Variants in DMD observed in about 807,000 individuals in gnomAD.
DMD encodes mutant dystrophin.
DMD carries 63 observed loss-of-function variants against 330.1 expected under a neutral mutation model. The observed-to-expected ratio is 0.19, with a 90% confidence interval of 0.16 to 0.24. DMD has a LOEUF of 0.24. DMD is among the 10% of genes least tolerant of loss of function. DMD has a pLI of 1.00. For missense variants in DMD, 3,344 were observed against 2,684.1 expected (o/e 1.25, Z -5.43); for synonymous variants, 1,223 against 959.8 (o/e 1.27, Z -5.07).
chrX:31,901,324 C>T (rs890912854), intron 47 of DMD, among the ~76,000 whole-genome samples: 6 of 111,571 alleles, frequency 5.4e-5, no homozygotes, highest in African/African-American at 2.0e-4. Context: ...AGGAGGAATC[C>T]TACCATAATA....
chrX:31,293,502 C>T (rs762144116), intron 62 of DMD, among the ~76,000 whole-genome samples: 1 of 110,628 alleles, frequency 9.0e-6, no homozygotes, highest in African/African-American at 3.3e-5. Flanking sequence ...GTTTAGACAG[C>T]GTTAGGGAAA....
intron 9 of DMD, among the ~76,000 whole-genome samples, chrX:32,676,243 G>C (rs998050465): frequency 4.5e-5 from 5 of 111,172 alleles, no homozygotes; most frequent in Non-Finnish European, 9.5e-5. Context: ...TGAAGCAATA[G>C]AGCCCTTTCA....
chrX:32,568,781 A>C (rs2052055438), intron 15 of DMD, among the ~76,000 whole-genome samples: 1 of 110,941 alleles, frequency 9.0e-6, no homozygotes, highest in African/African-American at 3.3e-5. Context: ...TAACTGAGGG[A>C]GGAAAAGAAA....
At chrX:31,130,734 T>G (rs2034372701) in intron 77 of DMD, among the ~76,000 whole-genome samples, 2 of 111,812 alleles carry the variant, frequency 1.8e-5, no homozygotes, top group Admixed American at 9.5e-5. Context: ...AATAAGGCAC[T>G]TGACTTTTCT....
chrX:33,135,876 C>T (rs2095523742), intron 1 of DMD, among the ~76,000 whole-genome samples: 2 of 112,215 alleles, frequency 1.8e-5, no homozygotes, highest in Non-Finnish European at 3.8e-5. Flanking sequence ...TAAATATTAG[C>T]TATCATTATA....
At chrX:32,489,230 T>C (rs73451794) in intron 20 of DMD, among the ~76,000 whole-genome samples, 1 of 110,714 alleles carries the variant, frequency 9.0e-6, no homozygotes, top group East Asian at 2.9e-4. Flanking sequence ...ATGGGCTGAA[T>C]TGTGTCTTCC....
chrX:32,842,096 G>C (rs895663365), intron 4 of DMD, among the ~76,000 whole-genome samples: 6 of 111,952 alleles, frequency 5.4e-5, no homozygotes, highest in Non-Finnish European at 9.4e-5. Flanking sequence ...GATTTTTCTG[G>C]TTCCCTTGGA....
Position 31,507,322 on chromosome X carries a change from G to T in DMD, c.8349C>A (p.Asn2783Lys). The part of the protein sequence containing the change: ...VLLQRRLDNM[N>K]FKWSELRKKS... ...TTTTCCGAAGTTCACTCCACTTGAA[G>T]TTCATGTTATCCAAACGTCTTTGTA... Residue 2783 changes from asparagine (N) to lysine (K), a missense_variant, in exon 56 of 79, where the codon AAC (asparagine) becomes AAA (lysine). Coordinates refer to ENST00000357033, the MANE Select transcript of DMD (RefSeq NM_004006.3). 1 of 1,211,567 alleles carries T rather than the reference G, an allele frequency of 8.3e-7. No homozygotes were observed. Among genetic ancestry groups the T allele is most frequent in the East Asian group, 3.0e-5 (1 of 33,815 alleles).
intron 7 of DMD, among the ~76,000 whole-genome samples, chrX:32,773,943 G>A (rs1311573966): frequency 9.0e-6 from 1 of 111,233 alleles, no homozygotes; most frequent in African/African-American, 3.3e-5. Context: ...TGCAATGTGT[G>A]ATATCTGATA....
intron 44 of DMD, among the ~76,000 whole-genome samples, chrX:32,139,819 C>T (rs1427849831): frequency 3.6e-5 from 4 of 112,157 alleles, no homozygotes; most frequent in African/African-American, 1.3e-4. Context: ...ATTCTTAAAA[C>T]TTTATAGAAA....
At chrX:32,107,338 A>G (rs1008971293) in intron 44 of DMD, among the ~76,000 whole-genome samples, 7 of 89,136 alleles carry the variant, frequency 7.9e-5, no homozygotes, top group African/African-American at 1.7e-4. Context: ...ATATAATTAT[A>G]TGTGTGTGTG....
chrX:31,173,599 G>A lies in DMD; in HGVS notation c.10268C>T (p.Ala3423Val), dbSNP rs1312602763. 1 of 1,207,773 alleles carries A rather than the reference G, an allele frequency of 8.3e-7. No homozygotes were observed. The highest frequency in any genetic ancestry group is 3.0e-5 in the East Asian group (1 of 33,754). ...INFWPVDSAPASSPQLSHDDT... is the reference protein window; with the variant it reads ...INFWPVDSAPVSSPQLSHDDT... ...ATCGTGTGAAAGCTGAGGGGACGAG[G>A]CAGGCCTATAAGGCAGAAAATGTGA... Residue 3423 changes from alanine to valine, a missense_variant, in exon 72 of 79, where the codon GCC becomes GTC. Transcript: ENST00000357033.
At chrX:32,058,551 T>C (rs185040760) in intron 44 of DMD, among the ~76,000 whole-genome samples, 1 of 99,684 alleles carries the variant, frequency 1.0e-5, no homozygotes, top group African/African-American at 3.7e-5. Context: ...CCTCACGGAT[T>C]AGGATAACCA....
chrX:32,354,989 G>A (rs191880184), intron 37 of DMD, among the ~76,000 whole-genome samples: 189 of 111,374 alleles, frequency 1.7e-3, no homozygotes, highest in Non-Finnish European at 2.3e-3. Flanking sequence ...GTATGGGGGA[G>A]ACAGACAAAA....
At chrX:32,230,019 T>C (rs1569552151) in intron 43 of DMD, among the ~76,000 whole-genome samples, 1 of 109,770 alleles carries the variant, frequency 9.1e-6, no homozygotes, top group Non-Finnish European at 1.9e-5. Flanking sequence ...TCTACTCTAA[T>C]TTACATTAGT....
At chrX:31,967,703 T>C (rs1340028241) in intron 45 of DMD, among the ~76,000 whole-genome samples, 2 of 111,293 alleles carry the variant, frequency 1.8e-5, no homozygotes, top group African/African-American at 6.5e-5. Flanking sequence ...TAATACAAAA[T>C]CCCATTTATA....
chrX:31,332,806 C>G (rs1446218858), intron 61 of DMD, among the ~76,000 whole-genome samples: 1 of 111,840 alleles, frequency 8.9e-6, no homozygotes, highest in African/African-American at 3.3e-5. Flanking sequence ...GCACAGAGCG[C>G]TCGATACTTT....
chrX:32,005,307 TA>T (rs766773836), intron 44 of DMD, among the ~76,000 whole-genome samples: 1 of 111,441 alleles, frequency 9.0e-6, no homozygotes, highest in African/African-American at 3.3e-5. Context: ...CACCCTTTAT[TA>T]AACTTGGTGT....
intron 44 of DMD, among the ~76,000 whole-genome samples, chrX:32,086,539 G>T (rs1316295766): frequency 4.5e-5 from 5 of 111,124 alleles, no homozygotes; most frequent in Non-Finnish European, 9.4e-5. Context: ...ATCCTTTGTT[G>T]TTGGGTGGGG....
Sources: gnomAD v4.1 joint callset for allele counts (sites outside exome capture counted in the v4.1 genomes callset) on GRCh38, gnomAD v4.1.1 for gene constraint, MANE v1.5 for transcripts, NCBI Gene and HGNC (gene_info 2026-07-23, HGNC 2026-07-21) for gene names.